LRP1B: variants seen among roughly 807,000 people sequenced by gnomAD.
The protein encoded by LRP1B is LDL receptor related protein 1B.
Under a neutral mutation model 556.6 loss-of-function variants are expected in LRP1B, and 217 were observed. That is an observed-to-expected ratio of 0.39 (90% confidence interval 0.35 to 0.44). The LOEUF is 0.44. Among genes scored for constraint, LRP1B ranks in the 20% least tolerant of loss-of-function variants. The pLI is 1.00. For missense variants in LRP1B, 5,053 were observed against 5,620.8 expected (o/e 0.90, Z 3.23); for synonymous variants, 2,047 against 1,865.8 (o/e 1.10, Z -2.50).
Position 140,541,948 on chromosome 2 carries a change from C to A in LRP1B, c.7218G>T (p.Gly2406=). ...CATAAACAGCCAAACTGAGGAAAGT[C>A]CCTGGCCCAGATTTAACTATCACCT... ...QRHVIVKSGP[G]TFLSLAVYDN... Residue 2406 remains glycine (G), a synonymous_variant, in exon 44 of 91, where the codon GGG becomes GGT. Coordinates refer to ENST00000389484, the MANE Select transcript of LRP1B (RefSeq NM_018557.3). 6.2e-7 allele frequency: 1 copy of A among 1,605,372 alleles called. No individual in the cohort carries two copies. Among genetic ancestry groups the A allele is most frequent in the Non-Finnish European group, 8.5e-7 (1 of 1,174,562 alleles).
At chr2:140,647,875 G>C (rs1574189048) in intron 41 of LRP1B, among the ~76,000 whole-genome samples, 1 of 152,156 alleles carries the variant, frequency 6.6e-6, no homozygotes, top group Non-Finnish European at 1.5e-5. Context: ...GTGGAAGACA[G>C]TGTGGCGATT....
intron 60 of LRP1B, among the ~76,000 whole-genome samples, chr2:140,469,315 C>T (rs1024933279): frequency 7.2e-5 from 11 of 152,148 alleles, no homozygotes; most frequent in Non-Finnish European, 1.2e-4. Flanking sequence ...TGAAAGGACA[C>T]AGCAACAAGG....
chr2:141,558,723 A>G (rs777775045), intron 2 of LRP1B, among the ~76,000 whole-genome samples: 1 of 151,744 alleles, frequency 6.6e-6, no homozygotes, highest in Non-Finnish European at 1.5e-5. Context: ...ATGTTTACGC[A>G]CTAATGGATT....
chr2:141,978,412 A>G lies in LRP1B; in HGVS notation c.82+152236T>C, dbSNP rs549243588. 4.6e-5 allele frequency among the ~76,000 whole-genome samples: 7 copies of G among 152,216 alleles called. No homozygotes were observed. In the South Asian group the frequency reaches 1.5e-3, roughly 32 times the overall value. On this transcript the variant is annotated intron_variant, in intron 1 of 90. Transcript: ENST00000389484. ...ATTGAAAAATTTACATTTTTCTCAA[A>G]GTACCAAATGAGGAGGTATGGTGTA...
chr2:140,993,386 T>C lies in LRP1B; in HGVS notation c.2644+609A>G, dbSNP rs180801189. ...GTTTTCCTAACACATATGTGAGAAATTTTATTTTGCCTACTAGCAACATGA... is the reference window on the plus strand; with the variant it reads ...GTTTTCCTAACACATATGTGAGAAACTTTATTTTGCCTACTAGCAACATGA... On this transcript the variant is annotated intron_variant, in intron 16 of 90. Coordinates refer to ENST00000389484, the MANE Select transcript of LRP1B (RefSeq NM_018557.3). 1.4e-4 allele frequency among the ~76,000 whole-genome samples: 21 copies of C among 152,202 alleles called. No homozygotes were observed. The East Asian group carries it at 3.9e-3, about 28-fold the overall frequency.
intron 1 of LRP1B, among the ~76,000 whole-genome samples, chr2:141,816,946 A>ATAT (rs1207503373): frequency 3.9e-5 from 6 of 152,206 alleles, no homozygotes; most frequent in Non-Finnish European, 8.8e-5. Flanking sequence ...ATCTCAGTTA[A>ATAT]AAATAGCCTG....
At position 141,134,702 on chromosome 2, in the gene LRP1B, G is replaced by A. The variant is rs1429600993; in HGVS notation, c.1013+53719C>T. 3.3e-5 allele frequency among the ~76,000 whole-genome samples: 5 copies of A among 149,262 alleles called. 1 individual carries two copies. The South Asian group carries it at 8.4e-4, about 25-fold the overall frequency. On this transcript the variant is annotated intron_variant, in intron 7 of 90. Coordinates refer to ENST00000389484, the MANE Select transcript of LRP1B (RefSeq NM_018557.3). Reference sequence around the variant, plus strand: ...ATCATTACTTACCTTTAGGAAAATAGGAGTCATTATATCAATAACTACCAA... The same window carrying A: ...ATCATTACTTACCTTTAGGAAAATAAGAGTCATTATATCAATAACTACCAA...
At chr2:140,592,531 C>T (rs511625) in intron 43 of LRP1B, among the ~76,000 whole-genome samples, 53,219 of 151,540 alleles carry the variant, frequency 0.35, 9,529 homozygotes, top group African/African-American at 0.37. Context: ...CATTTCAAAC[C>T]TATGTTGTGA....
At chr2:141,093,943 C>T (rs1700234075) in intron 7 of LRP1B, among the ~76,000 whole-genome samples, 2 of 152,098 alleles carry the variant, frequency 1.3e-5, no homozygotes, top group African/African-American at 4.8e-5. Context: ...TTTCCAATGC[C>T]TGACCTCAAG....
At chr2:141,242,459 T>C (rs1398071004) in intron 5 of LRP1B, among the ~76,000 whole-genome samples, 1 of 152,104 alleles carries the variant, frequency 6.6e-6, no homozygotes, top group East Asian at 1.9e-4. Context: ...CCCAACACTG[T>C]CTAGAAACAT....
chr2:140,662,717 T>C (rs1388654036), intron 41 of LRP1B, among the ~76,000 whole-genome samples: 1 of 152,184 alleles, frequency 6.6e-6, no homozygotes, highest in Non-Finnish European at 1.5e-5. Context: ...AAACCATTTT[T>C]ATCTTGGCAG....
At chr2:140,966,790 T>A (rs1452527276) in intron 18 of LRP1B, among the ~76,000 whole-genome samples, 1 of 152,212 alleles carries the variant, frequency 6.6e-6, no homozygotes, top group African/African-American at 2.4e-5. Flanking sequence ...CACCATTTAT[T>A]AAATATGGAA....
chr2:142,036,181 G>A lies in LRP1B; in HGVS notation c.82+94467C>T, dbSNP rs541556076. Reference sequence around the variant, plus strand: ...GCTAGTATTCCCTTTCCTACTTTAGGAACATACAAGACTTCATCATTTGTT... The same window carrying A: ...GCTAGTATTCCCTTTCCTACTTTAGAAACATACAAGACTTCATCATTTGTT... On this transcript the variant is annotated intron_variant, in intron 1 of 90. Transcript: ENST00000389484. Among the ~76,000 whole-genome samples the A allele has an allele frequency of 2.2e-3, 327 of 151,536 alleles. 1 individual carries two copies. Among genetic ancestry groups the A allele is most frequent in the Non-Finnish European group, 4.0e-3 (274 of 67,738 alleles).
At chr2:140,420,083 T>A (rs1035352440) in intron 66 of LRP1B, among the ~76,000 whole-genome samples, 1 of 143,082 alleles carries the variant, frequency 7.0e-6, no homozygotes, top group Admixed American at 6.9e-5. Context: ...ACACAACATA[T>A]GAAAATATAT....
At chr2:141,881,397 G>T (rs185885306) in intron 1 of LRP1B, among the ~76,000 whole-genome samples, 1 of 151,988 alleles carries the variant, frequency 6.6e-6, no homozygotes, top group African/African-American at 2.4e-5. Context: ...CTTAGATAAG[G>T]ATTTGACTTG....
At chr2:141,079,443 T>C (rs949377279) in intron 7 of LRP1B, among the ~76,000 whole-genome samples, 2 of 152,186 alleles carry the variant, frequency 1.3e-5, no homozygotes, top group African/African-American at 2.4e-5. Flanking sequence ...TTCCTACATA[T>C]GTAAATAAGG....
At chr2:140,645,847 T>C (rs941855220) in intron 41 of LRP1B, among the ~76,000 whole-genome samples, 1 of 152,060 alleles carries the variant, frequency 6.6e-6, no homozygotes, top group Non-Finnish European at 1.5e-5. Flanking sequence ...CTTGCCAATA[T>C]TCTTGATTTC....
chr2:140,500,988 T>C (rs187415929), intron 55 of LRP1B, among the ~76,000 whole-genome samples: 2 of 151,994 alleles, frequency 1.3e-5, no homozygotes, highest in Non-Finnish European at 1.5e-5. Flanking sequence ...TTGAGGTTTT[T>C]CCACATTTAC....
intron 2 of LRP1B, among the ~76,000 whole-genome samples, chr2:141,600,102 C>A (rs146181474): frequency 6.6e-6 from 1 of 152,254 alleles, no homozygotes; most frequent in East Asian, 1.9e-4. Flanking sequence ...TAAGTGAAAG[C>A]GAGTAGGTAG....
Sources: allele counts gnomAD v4.1 joint callset (sites outside exome capture counted in the v4.1 genomes callset), GRCh38; gene constraint gnomAD v4.1.1; transcripts MANE v1.5; gene names NCBI Gene and HGNC (gene_info 2026-07-23, HGNC 2026-07-21).